SLC26A6: variants seen among roughly 807,000 people sequenced by gnomAD.
SLC26A6 encodes the protein anion exchange transporter.
Under a neutral mutation model 87.1 loss-of-function variants are expected in SLC26A6, and 67 were observed. The ratio of observed to expected loss-of-function variants is 0.77; its 90% CI spans 0.63 to 0.94. The LOEUF (loss-of-function observed/expected upper bound fraction) is 0.94, where lower values mean the gene tolerates loss of function less well. Ranked by LOEUF, SLC26A6 falls within the 40% of genes least tolerant of loss-of-function variation. SLC26A6 has a pLI of 0.00. For synonymous variants in SLC26A6, 414 were observed against 405.9 expected, an observed-to-expected ratio of 1.02 and a Z score of -0.24; for missense variants, 902 against 973.0, an observed-to-expected ratio of 0.93 and a Z score of 0.97.
intron 1 of SLC26A6, chr3:48,634,672 C>T: frequency 6.2e-6 from 6 of 968,400 alleles, no homozygotes; most frequent in Non-Finnish European, 7.4e-6. Flanking sequence ...CAGGAAAGTT[C>T]TGATCTAGGA....
Position 48,626,287 on chromosome 3 carries a change from A to C in SLC26A6, c.2196T>G (p.Phe732Leu). 6.2e-7 allele frequency: 1 copy of C among 1,613,956 alleles called. No homozygotes were observed. The highest frequency in any genetic ancestry group is 8.5e-7 in the Non-Finnish European group (1 of 1,179,936). ...AGGTGACAGCATCATGGACAGAGGC[A>C]AAGAGATGCTTCTTGGTGATGGATG... ...FDASITKKHLFASVHDAVTFA... is the reference protein window; with the variant it reads ...FDASITKKHLLASVHDAVTFA... Residue 732 changes from phenylalanine to leucine, a missense_variant, in exon 20 of 21, where the codon TTT becomes TTG. By Grantham distance (22) the Phe-to-Leu change is conservative (BLOSUM62 0). Transcript: ENST00000395550.
Position 48,626,227 on chromosome 3 carries a change from G to C in SLC26A6, c.2256C>G (p.Ser752Arg). 1 of 1,614,076 alleles carries C rather than the reference G, an allele frequency of 6.2e-7. No homozygotes were observed. The highest frequency in any genetic ancestry group is 1.3e-5 in the African/African-American group (1 of 75,020). Reference protein sequence around the residue: ...ALQHPRPVPDSPVSVTRL With the variant: ...ALQHPRPVPDRPVSVTRL Reference sequence around the variant, plus strand: ...CCAGAGGTAGGCTCACCGAAACAGGGCTGTCGGGGACAGGCCTCGGGTGTT... The same window carrying C: ...CCAGAGGTAGGCTCACCGAAACAGGCCTGTCGGGGACAGGCCTCGGGTGTT... The change falls in exon 20 of 21, where the codon AGC becomes AGG. Residue 752 changes from serine to arginine, a missense_variant. Transcript: ENST00000395550.
In SLC26A6 at chr3:48,633,056, C is replaced by T. The variant is rs767165769; in HGVS notation, c.351G>A (p.Leu117=). Residue 117 remains leucine, a synonymous_variant, in exon 4 of 21, where the codon TTG becomes TTA. Transcript: ENST00000395550. The part of the protein sequence containing the change: ...QGLAYALLAG[L]PPVFGLYSSF... ...AGCTATAGAGGCCAAACACGGGGGG[C>T]AATCCAGCCAGGAGGGCGTAGGCCA... 1.9e-6 allele frequency: 3 copies of T among 1,613,200 alleles called. No homozygotes were observed. In the South Asian group the frequency reaches 3.3e-5, roughly 18 times the overall value.
chr3:48,633,843 C>T, intron 1 of SLC26A6: 1 of 1,428,116 alleles, frequency 7.0e-7, no homozygotes, highest in East Asian at 2.5e-5. Context: ...GAGAAAGCCT[C>T]TTTCTAGGAC....
Position 48,631,386 on chromosome 3 carries a change from G to A in SLC26A6, c.904-80C>T, listed in dbSNP as rs941064411. On this transcript the variant is annotated intron_variant, in intron 7 of 20. Transcript: ENST00000395550. ...CACATAAACCACTGTGAGGTGAGGA[G>A]GGAGATACTGGGCAAAACCTTCTTC... is the stretch of plus-strand genomic sequence containing the variant. 1.0e-5 allele frequency: 14 copies of A among 1,401,710 alleles called. No individual in the cohort carries two copies. In the Admixed American group the frequency reaches 3.5e-4, roughly 35 times the overall value. 86.8% of individuals were successfully genotyped at this position (1,401,710 alleles called of 1,614,324 possible). A position where few individuals can be genotyped will look rare whatever the true frequency, so the allele number is the denominator to read the frequency against.
rs751868101 is a variant in SLC26A6, at chr3:48,626,859, C to T, written c.2073+17G>A. The T allele has an allele frequency of 1.2e-6, 2 of 1,609,694 alleles. No homozygotes were observed. Among genetic ancestry groups the T allele is most frequent in the Admixed American group, 1.7e-5 (1 of 59,646 alleles). ...AGTGTGGAAGCTCGAGGGGCCTTGG[C>T]CTGCCCCCGTCCTTACATTCTTCAG... is the stretch of plus-strand genomic sequence containing the variant. On this transcript the variant is annotated intron_variant, in intron 18 of 20. Transcript: ENST00000395550.
intron 4 of SLC26A6, 126 bp from the exon 5 acceptor site, chr3:48,632,522 G>C: frequency 1.5e-6 from 2 of 1,340,966 alleles, no homozygotes. Flanking sequence ...ATGGCTGCAT[G>C]AACAGGGACA....
chr3:48,631,831 T>G (rs2046804041), intron 6 of SLC26A6, 30 bp from the exon 7 acceptor site: 1 of 1,613,046 alleles, frequency 6.2e-7, no homozygotes, highest in Middle Eastern at 1.7e-4. Context: ...CAGCTAGCAC[T>G]CAAGGCCATG....
intron 4 of SLC26A6, 41 bp downstream of exon 4, chr3:48,632,933 T>A: frequency 6.4e-7 from 1 of 1,557,052 alleles, no homozygotes; most frequent in South Asian, 1.1e-5. Flanking sequence ...CCATGATGGA[T>A]GTGGGCATCC....
In SLC26A6 at chr3:48,628,497, C is replaced by A; in HGVS notation, c.1737G>T (p.Leu579=). The change falls in exon 16 of 21, where the codon CTG becomes CTT. Residue 579 remains leucine (L), a synonymous_variant. Coordinates refer to ENST00000395550, the MANE Select transcript of SLC26A6 (RefSeq NM_022911.3). This position sits in a 1 kb window ranked among gnomAD's most constrained non-coding sequence, Gnocchi z 4.4. ...VDFLISQKKK[L]LKKQEQLKLK... ...GCTTCAGCTGCTCCTGCTTCTTGAG[C>A]AGTTTCTTCTTCTGGGAGATGAGGA... The A allele has an allele frequency of 6.2e-7, 1 of 1,614,086 alleles. No individual in the cohort carries two copies. Among genetic ancestry groups the A allele is most frequent in the South Asian group, 1.1e-5 (1 of 91,082 alleles).
chr3:48,630,532 T>C lies in SLC26A6; in HGVS notation c.1249-17A>G. 5.1e-6 allele frequency: 8 copies of C among 1,557,738 alleles called. No homozygotes were observed. The highest frequency in any genetic ancestry group is 7.0e-6 in the Non-Finnish European group (8 of 1,150,590). ...TCCAGCAACCTGTTCGGGGAGGGAG[T>C]GAGCAGGGGAGAGACCTCCTTCCCC... is the stretch of plus-strand genomic sequence containing the variant. On this transcript the variant is annotated splice_polypyrimidine_tract_variant and intron_variant, in intron 10 of 20. Transcript: ENST00000395550.
At chr3:48,635,033 C>A (rs2046916955) in intron 1 of SLC26A6, among the ~76,000 whole-genome samples, 1 of 152,244 alleles carries the variant, frequency 6.6e-6, no homozygotes, top group Admixed American at 6.5e-5. Flanking sequence ...CTGAAAGCAG[C>A]TAGTCCACGG....
Position 48,631,686 on chromosome 3 carries a change from T to A in SLC26A6, c.866A>T (p.Gln289Leu), listed in dbSNP as rs771596823. Residue 289 changes from glutamine to leucine, a missense_variant, in exon 7 of 21, where the codon CAG becomes CTG. Around this residue, in one of 3 missense-constraint regions of SLC26A6, gnomAD observed 800 missense variants for 856.8 expected, o/e 0.93. Transcript: ENST00000395550. ...VVKLLNDKLQ[Q>L]QLPMPIPGEL... is the part of the protein sequence containing the mutation. ...CCCGGGTATCGGCATGGGCAGCTGC[T>A]GCTGCAGCTTGTCATTCAACAGCTT... is the stretch of plus-strand genomic sequence containing the variant. 1.8e-5 allele frequency: 29 copies of A among 1,613,132 alleles called. No homozygotes were observed. The highest frequency in any genetic ancestry group is 2.0e-5 in the Non-Finnish European group (24 of 1,180,006).
rs745716607 is a variant in SLC26A6 at position 48,629,913 on chromosome 3, C to G, written c.1488G>C (p.Ala496=). 19 of 1,613,966 alleles carry G rather than the reference C, an allele frequency of 1.2e-5. No homozygotes were observed. The highest frequency in any genetic ancestry group is 1.7e-5 in the Admixed American group (1 of 60,010). ...LLNLDLGLVV[A]VIFSLLLVVV... Reference sequence around the variant, plus strand: ...CCACGAGCAGCAGGGAGAAGATGACCGCAACCACCAAGCCAAGGTCCAGGT... The same window carrying G: ...CCACGAGCAGCAGGGAGAAGATGACGGCAACCACCAAGCCAAGGTCCAGGT... Residue 496 remains alanine (A), a synonymous_variant, in exon 13 of 21, where the codon GCG becomes GCC. Transcript: ENST00000395550.
chr3:48,634,681 G>A (rs1257622765), intron 1 of SLC26A6: 20 of 980,328 alleles, frequency 2.0e-5, no homozygotes, highest in Non-Finnish European at 2.4e-5. Context: ...TCTGATCTAG[G>A]AAAAGCCCTG....
chr3:48,631,829 A>C (rs753510423), intron 6 of SLC26A6, 28 bp from the exon 7 acceptor site: 1 of 1,612,926 alleles, frequency 6.2e-7, no homozygotes, highest in Non-Finnish European at 8.5e-7. Context: ...CACAGCTAGC[A>C]CTCAAGGCCA....
At position 48,630,095 on chromosome 3, in the gene SLC26A6, C is replaced by A; in HGVS notation, c.1389G>T (p.Met463Ile). The A allele has an allele frequency of 5.0e-6, 8 of 1,612,042 alleles. No individual in the cohort carries two copies. The highest frequency in any genetic ancestry group is 5.9e-6 in the Non-Finnish European group (7 of 1,178,552). ...CCCGATTGGCCTTCCAGAGGGAGCG[C>A]ATGTCGCTGAGCTGCCTCAGCATGC... ...LKGMLRQLSDMRSLWKANRAD... is the reference protein window; with the variant it reads ...LKGMLRQLSDIRSLWKANRAD... Residue 463 changes from methionine to isoleucine, a missense_variant, in exon 12 of 21, where the codon ATG (methionine) becomes ATT (isoleucine). Met to Ile is a conservative substitution (Grantham distance 10). Transcript: ENST00000395550.
intron 14 of SLC26A6, among the ~76,000 whole-genome samples, chr3:48,629,267 C>A (rs1466186892): frequency 6.6e-6 from 1 of 152,208 alleles, no homozygotes; most frequent in Non-Finnish European, 1.5e-5. Flanking sequence ...CAAGACCTCT[C>A]AGGAGATAAA....
chr3:48,633,436 T>C, intron 2 of SLC26A6, 41 bp downstream of exon 2: 4 of 1,612,360 alleles, frequency 2.5e-6, no homozygotes, highest in Non-Finnish European at 3.4e-6. Flanking sequence ...AGGGGCTACC[T>C]GGGCCCCGCC....
Sources: gnomAD v4.1 joint callset for allele counts (sites outside exome capture counted in the v4.1 genomes callset) on GRCh38, gnomAD v4.1.1 for gene constraint, gnomAD v4.1.1 regional missense constraint, Gnocchi (gnomAD v3.1) non-coding constraint, MANE v1.5 for transcripts, NCBI Gene and HGNC (gene_info 2026-07-23, HGNC 2026-07-21) for gene names.